Variants in NCKAP5 observed in about 807,000 individuals in gnomAD.
NCKAP5 encodes nck-associated protein 5.
A neutral mutation model predicts 167.0 loss-of-function variants in NCKAP5; 92 were observed. The ratio of observed to expected loss-of-function variants is 0.55; its 90% confidence interval spans 0.47 to 0.66. The LOEUF (loss-of-function observed/expected upper bound fraction) is 0.66, where lower values mean the gene tolerates loss of function less well. Ranked by LOEUF, NCKAP5 falls within the 30% of genes least tolerant of loss-of-function variation. NCKAP5 has a pLI of 0.00. For missense variants in NCKAP5, 2,378 were observed against 2,315.0 expected, an observed-to-expected ratio of 1.03 and a Z score of -0.56; for synonymous variants, 891 against 877.4, an observed-to-expected ratio of 1.02 and a Z score of -0.27.
At chr2:133,384,959 G>C (rs1686825500) in intron 3 of NCKAP5, among the ~76,000 whole-genome samples, 1 of 152,096 alleles carries the variant, frequency 6.6e-6, no homozygotes, top group Non-Finnish European at 1.5e-5. Context: ...AAGTCGATGG[G>C]GTTTTCCAGA....
At chr2:133,067,847 A>G (rs1269409859) in intron 6 of NCKAP5, among the ~76,000 whole-genome samples, 2 of 152,116 alleles carry the variant, frequency 1.3e-5, no homozygotes, top group Admixed American at 6.6e-5. Context: ...GGATGAGGGG[A>G]ATGCTCTTGA....
chr2:133,538,805 A>G (rs1685956104), intron 2 of NCKAP5, among the ~76,000 whole-genome samples: 1 of 151,694 alleles, frequency 6.6e-6, no homozygotes, highest in African/African-American at 2.4e-5. Context: ...CTTACATAGG[A>G]TGTTGATCTG....
intron 6 of NCKAP5, among the ~76,000 whole-genome samples, chr2:133,050,273 G>A (rs1027127057): frequency 5.3e-5 from 8 of 152,024 alleles, no homozygotes; most frequent in African/African-American, 1.9e-4. Flanking sequence ...TTAACTGACT[G>A]TGTATAGAAG....
At position 133,209,824 on chromosome 2, in the gene NCKAP5, CTT is replaced by C. The variant is rs531272707; in HGVS notation, c.207+3890_207+3891del. Among the ~76,000 whole-genome samples, 410 of 152,150 alleles carry C rather than the reference CTT, an allele frequency of 2.7e-3. 1 individual carries two copies. Among genetic ancestry groups the C allele is most frequent in the Non-Finnish European group, 4.0e-3 (270 of 68,000 alleles). On this transcript the variant is annotated intron_variant, in intron 5 of 19. Coordinates refer to ENST00000409261, the MANE Select transcript of NCKAP5 (RefSeq NM_207363.3). ...GAGTAAAGGGTAGGCAGGTGTGTAA[CTT>C]TTCTGTAAATCTAAAATTATTTCAA...
intron 4 of NCKAP5, among the ~76,000 whole-genome samples, chr2:133,275,774 T>C (rs2089700210): frequency 6.6e-6 from 1 of 151,548 alleles, no homozygotes; most frequent in Non-Finnish European, 1.5e-5. Flanking sequence ...AACAGTAAAA[T>C]GTAGTAACAA....
chr2:133,483,631 G>T lies in NCKAP5; in HGVS notation c.69+33827C>A, dbSNP rs532430071. Among the ~76,000 whole-genome samples the T allele has an allele frequency of 9.5e-4, 143 of 151,230 alleles. 3 individuals are homozygous for T. The South Asian group carries it at 0.03, about 32-fold the overall frequency. ...GCTAATACTCTGCAAAAAAAAAGGG[G>T]GGGGGGCTTTTTCTCTCTTAAAATA... On this transcript the variant is annotated intron_variant, in intron 3 of 19. Coordinates refer to ENST00000409261, the MANE Select transcript of NCKAP5 (RefSeq NM_207363.3).
At chr2:132,697,423 G>T (rs1687446374) in intron 19 of NCKAP5, among the ~76,000 whole-genome samples, 1 of 152,168 alleles carries the variant, frequency 6.6e-6, no homozygotes, top group African/African-American at 2.4e-5. Flanking sequence ...TAATAGTGCT[G>T]AGCTCTCAAA....
chr2:133,293,013 G>C (rs1274997780), intron 4 of NCKAP5, among the ~76,000 whole-genome samples: 1 of 152,106 alleles, frequency 6.6e-6, no homozygotes, highest in South Asian at 2.1e-4. Context: ...CTCCAATTCT[G>C]CTCCTAATCA....
chr2:133,627,791 A>G, the NCKAP5 span, among the ~76,000 whole-genome samples: 1 of 152,228 alleles, frequency 6.6e-6, no homozygotes, highest in African/African-American at 2.4e-5. Flanking sequence ...TAGCAGACTT[A>G]TGCTAAAATG....
chr2:132,919,543 T>C (rs1290345790), intron 8 of NCKAP5, among the ~76,000 whole-genome samples: 3 of 152,002 alleles, frequency 2.0e-5, no homozygotes, highest in East Asian at 1.9e-4. Flanking sequence ...AATCACAAGA[T>C]TAAATACACA....
chr2:133,493,557 T>C (rs1010763041), intron 3 of NCKAP5, among the ~76,000 whole-genome samples: 4 of 152,186 alleles, frequency 2.6e-5, no homozygotes, highest in African/African-American at 9.6e-5. Context: ...GTCTGGCACA[T>C]AGTATGTACT....
chr2:133,243,869 T>C (rs545754027), intron 4 of NCKAP5, among the ~76,000 whole-genome samples: 49 of 152,354 alleles, frequency 3.2e-4, no homozygotes, highest in African/African-American at 1.2e-3. Flanking sequence ...CCATCACTTG[T>C]AACGTGTTTT....
At chr2:133,369,323 G>T (rs1052939805) in intron 3 of NCKAP5, among the ~76,000 whole-genome samples, 4 of 152,202 alleles carry the variant, frequency 2.6e-5, no homozygotes, top group African/African-American at 9.6e-5. Context: ...AAGGAATCAG[G>T]ATCAGACATG....
At chr2:133,083,479 G>A (rs912453908) in intron 6 of NCKAP5, among the ~76,000 whole-genome samples, 1 of 152,144 alleles carries the variant, frequency 6.6e-6, no homozygotes, top group African/African-American at 2.4e-5. Context: ...AAAACCTGAA[G>A]CTCTGGTGAA....
chr2:133,286,162 A>AT (rs556240617), intron 4 of NCKAP5, among the ~76,000 whole-genome samples: 6 of 151,744 alleles, frequency 4.0e-5, no homozygotes, highest in East Asian at 1.9e-4. Flanking sequence ...TGCCAGGCTA[A>AT]TTTTTTTTGT....
chr2:132,821,706 G>A (rs1459364679), intron 11 of NCKAP5, among the ~76,000 whole-genome samples: 1 of 152,144 alleles, frequency 6.6e-6, no homozygotes, highest in Non-Finnish European at 1.5e-5. Context: ...AACTGCAGGA[G>A]TGAGACCCAC....
intron 6 of NCKAP5, among the ~76,000 whole-genome samples, chr2:133,127,840 G>A (rs1268691137): frequency 6.6e-6 from 1 of 152,104 alleles, no homozygotes; most frequent in African/African-American, 2.4e-5. Context: ...ATGAAAAATC[G>A]AGCATAAGGT....
chr2:133,397,258 A>G (rs780158571), intron 3 of NCKAP5, among the ~76,000 whole-genome samples: 91 of 152,218 alleles, frequency 6.0e-4, no homozygotes, highest in Admixed American at 1.8e-3. Context: ...CCAACTCTAT[A>G]GAAACCAATC....
At chr2:132,789,999 C>T (rs376765645) in intron 13 of NCKAP5, 24 bp downstream of exon 13, 29 of 1,586,896 alleles carry the variant, frequency 1.8e-5, no homozygotes, top group Non-Finnish European at 2.3e-5. Context: ...TTTTCTGGTT[C>T]ATTCCGATGC....
Sources: allele counts gnomAD v4.1 joint callset (sites outside exome capture counted in the v4.1 genomes callset), GRCh38; gene constraint gnomAD v4.1.1; transcripts MANE v1.5; gene names NCBI Gene and HGNC (gene_info 2026-07-23, HGNC 2026-07-21).